HTR4: variants seen among roughly 807,000 people sequenced by gnomAD.
HTR4 encodes the protein 5-hydroxytryptamine (serotonin) receptor 4, G protein-coupled.
A neutral mutation model predicts 36.8 loss-of-function variants in HTR4; 16 were observed. The observed-to-expected ratio is 0.43, with a 90% CI of 0.29 to 0.66. HTR4 has a LOEUF of 0.66. Among genes scored for constraint, HTR4 ranks in the 30% least tolerant of loss-of-function variants. The probability of loss-of-function intolerance (pLI) is 0.13; values close to 1 mark genes in which losing one functional copy is unlikely to be tolerated. For missense variants in HTR4, 438 were observed against 490.9 expected (o/e 0.89, Z 1.02); for synonymous variants, 189 against 185.1 (o/e 1.02, Z -0.17).
In HTR4 at chr5:148,519,599, C is replaced by A. The variant is rs140051332; in HGVS notation, c.507+3594G>T. 4.6e-3 allele frequency among the ~76,000 whole-genome samples: 705 copies of A among 152,254 alleles called. 2 individuals are homozygous for A. The highest frequency in any genetic ancestry group is 6.4e-3 in the Non-Finnish European group (437 of 68,038). On this transcript the variant is annotated intron_variant, in intron 5 of 6. Transcript: ENST00000377888. ...TCTACTCATTAGAATTTATTTGTAA[C>A]CTCCTAAATCCCCCAAATCAATACT...
intron 1 of HTR4, among the ~76,000 whole-genome samples, chr5:148,643,420 AG>A (rs1581581983): frequency 6.6e-6 from 1 of 152,162 alleles, no homozygotes; most frequent in East Asian, 1.9e-4. Context: ...TCTAGAAATC[AG>A]GTTTTTTTTC....
chr5:148,589,403 A>G (rs1166698415), intron 2 of HTR4, among the ~76,000 whole-genome samples: 1 of 152,182 alleles, frequency 6.6e-6, no homozygotes, highest in African/African-American at 2.4e-5. Flanking sequence ...AGTTTTGCCA[A>G]TATGATGAGT....
At chr5:148,642,893 C>T (rs1753769912) in intron 1 of HTR4, among the ~76,000 whole-genome samples, 1 of 151,962 alleles carries the variant, frequency 6.6e-6, no homozygotes, top group Non-Finnish European at 1.5e-5. Context: ...ATTAGTCCCT[C>T]ACCAAAAAAA....
intron 2 of HTR4, among the ~76,000 whole-genome samples, chr5:148,633,227 C>T (rs1300655886): frequency 6.6e-6 from 1 of 152,102 alleles, no homozygotes; most frequent in Non-Finnish European, 1.5e-5. Context: ...ATCCATCCTG[C>T]ATCAACTGCT....
intron 2 of HTR4, among the ~76,000 whole-genome samples, chr5:148,594,368 G>T (rs1761690442): frequency 6.6e-6 from 1 of 151,886 alleles, no homozygotes; most frequent in South Asian, 2.1e-4. Context: ...GTGTGTGTGT[G>T]TGTGTGTGTG....
chr5:148,486,548 G>A lies in HTR4; in HGVS notation c.1077-3255C>T, dbSNP rs369404332. Among the ~76,000 whole-genome samples, 15 of 152,294 alleles carry A rather than the reference G, an allele frequency of 9.8e-5. No homozygotes were observed. The East Asian group carries it at 2.9e-3, about 29-fold the overall frequency. The stretch of plus-strand genomic sequence containing the variant: ...CTTTTCCCATTTGTTAAATGAAGGG[G>A]AGGATAATCTGTAAGATCATTTGCA... On this transcript the variant is annotated intron_variant, in intron 6 of 6. Transcript: ENST00000377888.
At chr5:148,648,108 G>T (rs1320444285) in intron 1 of HTR4, among the ~76,000 whole-genome samples, 1 of 152,166 alleles carries the variant, frequency 6.6e-6, no homozygotes, top group Non-Finnish European at 1.5e-5. Context: ...GTGACTATAC[G>T]AGTGTTCACT....
intron 5 of HTR4, among the ~76,000 whole-genome samples, chr5:148,519,920 G>A (rs1276927019): frequency 6.6e-6 from 1 of 152,148 alleles, no homozygotes; most frequent in African/African-American, 2.4e-5. Flanking sequence ...GAAAATACAT[G>A]TTTTAGATAA....
chr5:148,482,721 G>C lies in HTR4; in HGVS notation c.*482C>G. On this transcript the variant is annotated 3_prime_UTR_variant, in exon 7 of 7. Transcript: ENST00000377888. ...GGATAGCTTGAACATGGCTGTGACG[G>C]ACGTGACCAAGCAAGTAAGCAAGAC... The C allele has an allele frequency of 9.9e-7, 1 of 1,010,908 alleles. No homozygotes were observed. Among genetic ancestry groups the C allele is most frequent in the Non-Finnish European group, 1.2e-6 (1 of 843,614 alleles). The allele number at this position is 1,010,908 out of a possible 1,614,324, so 62.6% of individuals were successfully genotyped here.
At chr5:148,538,488 C>T (rs1218830291) in intron 4 of HTR4, among the ~76,000 whole-genome samples, 1 of 151,968 alleles carries the variant, frequency 6.6e-6, no homozygotes, top group Non-Finnish European at 1.5e-5. Flanking sequence ...ATAGTATTGC[C>T]CCAAAAGCTC....
At chr5:148,518,449 G>A (rs920119148) in intron 5 of HTR4, among the ~76,000 whole-genome samples, 2 of 152,068 alleles carry the variant, frequency 1.3e-5, no homozygotes, top group East Asian at 1.9e-4. Flanking sequence ...ACCTCAAATT[G>A]CTATCATCCT....
intron 2 of HTR4, among the ~76,000 whole-genome samples, chr5:148,597,255 G>T (rs1232412272): frequency 6.6e-6 from 1 of 152,080 alleles, no homozygotes; most frequent in Non-Finnish European, 1.5e-5. Context: ...CTTATGTATA[G>T]GATGCATGTC....
intron 6 of HTR4, among the ~76,000 whole-genome samples, chr5:148,506,754 CA>C (rs1344312375): frequency 5.9e-5 from 9 of 152,188 alleles, no homozygotes; most frequent in Admixed American, 5.9e-4. Flanking sequence ...ATTTATGCAG[CA>C]AACAGGCACA....
chr5:148,458,708 G>T (rs1000518470), intron 5 of HTR4, among the ~76,000 whole-genome samples: 1 of 152,168 alleles, frequency 6.6e-6, no homozygotes, highest in South Asian at 2.1e-4. Flanking sequence ...AGGCCCATGT[G>T]GTGAGAGGGG....
At chr5:148,577,946 TC>T (rs1225069626) in intron 2 of HTR4, among the ~76,000 whole-genome samples, 2 of 151,830 alleles carry the variant, frequency 1.3e-5, no homozygotes, top group South Asian at 4.2e-4. Flanking sequence ...TAACAAACCT[TC>T]ACATGTACCC....
chr5:148,561,359 G>T (rs1382363881), intron 2 of HTR4, among the ~76,000 whole-genome samples: 2 of 151,310 alleles, frequency 1.3e-5, no homozygotes, highest in Non-Finnish European at 2.9e-5. Context: ...GCCAAGGCAG[G>T]ATAGATAGGC....
chr5:148,589,820 G>A (rs1256275042), intron 2 of HTR4, among the ~76,000 whole-genome samples: 1 of 151,818 alleles, frequency 6.6e-6, no homozygotes, highest in African/African-American at 2.4e-5. Flanking sequence ...TAATTAATAT[G>A]CCACCTCACA....
At position 148,609,247 on chromosome 5, in the gene HTR4, C is replaced by T. The variant is rs115979827; in HGVS notation, c.26+27742G>A. Among the ~76,000 whole-genome samples, 219 of 152,224 alleles carry T rather than the reference C, an allele frequency of 1.4e-3. 1 individual carries two copies. The highest frequency in any genetic ancestry group is 4.9e-3 in the African/African-American group (203 of 41,556). On this transcript the variant is annotated intron_variant, in intron 2 of 6. Coordinates refer to ENST00000377888, the MANE Select transcript of HTR4 (RefSeq NM_000870.7). ...AAGAGAGGACCCAATTGAATATTAC[C>T]GGCAATTTTGTTCAGTGTTCCACTG...
chr5:148,573,512 T>C (rs1760762850), intron 2 of HTR4, among the ~76,000 whole-genome samples: 1 of 152,004 alleles, frequency 6.6e-6, no homozygotes, highest in Admixed American at 6.6e-5. Flanking sequence ...AGTGTGTGTG[T>C]CACAAACTGA....
Sources: allele counts gnomAD v4.1 joint callset (sites outside exome capture counted in the v4.1 genomes callset), GRCh38; gene constraint gnomAD v4.1.1; transcripts MANE v1.5; gene names NCBI Gene and HGNC (gene_info 2026-07-23, HGNC 2026-07-21).